Variants in STAG1 observed in about 807,000 individuals in gnomAD.
The protein encoded by STAG1 is cohesin subunit SA-1.
A neutral mutation model predicts 170.9 loss-of-function variants in STAG1; 26 were observed. That is an observed-to-expected ratio of 0.15 (90% confidence interval 0.11 to 0.21). STAG1 has a LOEUF of 0.21. Among genes scored for constraint, STAG1 ranks in the 10% least tolerant of loss-of-function variants. The probability of loss-of-function intolerance (pLI) is 1.00; values close to 1 mark genes in which losing one functional copy is unlikely to be tolerated. For synonymous variants in STAG1, 514 were observed against 497.7 expected, an observed-to-expected ratio of 1.03 and a Z score of -0.44; for missense variants, 964 against 1,509.5, an observed-to-expected ratio of 0.64 and a Z score of 5.99.
intron 1 of STAG1, among the ~76,000 whole-genome samples, chr3:136,727,142 T>C (rs1298264284): frequency 6.7e-6 from 1 of 148,896 alleles, no homozygotes; most frequent in Non-Finnish European, 1.5e-5. Context: ...TTATTTTGTT[T>C]ACATGATACT....
At chr3:136,377,069 G>A (rs1261412423) in intron 23 of STAG1, among the ~76,000 whole-genome samples, 4 of 149,726 alleles carry the variant, frequency 2.7e-5, no homozygotes, top group East Asian at 4.1e-4. Flanking sequence ...GAGCCACTGC[G>A]CCCGGCCATT....
At chr3:136,528,343 G>A (rs923913485) in intron 6 of STAG1, among the ~76,000 whole-genome samples, 7 of 152,120 alleles carry the variant, frequency 4.6e-5, no homozygotes, top group Non-Finnish European at 8.8e-5. Context: ...TGTGCTAGCA[G>A]TGAGTGAGGC....
chr3:136,668,477 C>T (rs908841400), intron 1 of STAG1, among the ~76,000 whole-genome samples: 2 of 147,478 alleles, frequency 1.4e-5, no homozygotes, highest in Non-Finnish European at 3.0e-5. Context: ...ATAAAGTAGG[C>T]CCAAGATGGA....
At chr3:136,568,215 G>C (rs574233373) in intron 5 of STAG1, among the ~76,000 whole-genome samples, 24 of 152,030 alleles carry the variant, frequency 1.6e-4, no homozygotes, top group African/African-American at 5.5e-4. Flanking sequence ...AAATTAACCT[G>C]TTAAGATTTA....
chr3:136,511,949 A>G (rs1170163120), intron 7 of STAG1, among the ~76,000 whole-genome samples: 2 of 151,980 alleles, frequency 1.3e-5, no homozygotes, highest in African/African-American at 4.8e-5. Context: ...CATGATAACC[A>G]TATCTCTAAG....
intron 20 of STAG1, among the ~76,000 whole-genome samples, chr3:136,419,459 T>C (rs1369477463): frequency 6.6e-6 from 1 of 152,138 alleles, no homozygotes; most frequent in Non-Finnish European, 1.5e-5. Flanking sequence ...CCCAGCCTTT[T>C]TTTTTTAAAG....
intron 12 of STAG1, among the ~76,000 whole-genome samples, chr3:136,471,919 C>G (rs2089637387): frequency 6.6e-6 from 1 of 152,138 alleles, no homozygotes; most frequent in Non-Finnish European, 1.5e-5. Context: ...CTCACTGCAG[C>G]TTTGACCTTC....
chr3:136,453,144 C>A (rs937338472), intron 13 of STAG1, among the ~76,000 whole-genome samples: 1 of 152,010 alleles, frequency 6.6e-6, no homozygotes, highest in African/African-American at 2.4e-5. Context: ...ACCTTATTAT[C>A]TGGAAACATT....
intron 4 of STAG1, among the ~76,000 whole-genome samples, chr3:136,581,991 A>T (rs1019793228): frequency 6.6e-5 from 10 of 152,212 alleles, no homozygotes; most frequent in African/African-American, 2.2e-4. Flanking sequence ...TAAATTTCTA[A>T]CAAGAGTATA....
chr3:136,675,599 A>G (rs768560120), intron 1 of STAG1, among the ~76,000 whole-genome samples: 11 of 152,168 alleles, frequency 7.2e-5, no homozygotes, highest in Non-Finnish European at 1.5e-4. Context: ...TATACAATAT[A>G]GTAGGTTTAC....
intron 1 of STAG1, among the ~76,000 whole-genome samples, chr3:136,745,567 C>T (rs563922608): frequency 9.5e-4 from 145 of 152,184 alleles, no homozygotes; most frequent in Non-Finnish European, 1.8e-3. Context: ...AGAATTTGCA[C>T]TCATATGACA....
At chr3:136,641,476 T>G (rs1940797681) in intron 1 of STAG1, among the ~76,000 whole-genome samples, 1 of 152,210 alleles carries the variant, frequency 6.6e-6, no homozygotes, top group Non-Finnish European at 1.5e-5. Context: ...AACAGGGGCC[T>G]CCTAATAGGA....
chr3:136,718,666 T>C, intron 1 of STAG1, among the ~76,000 whole-genome samples: 1 of 152,340 alleles, frequency 6.6e-6, no homozygotes, highest in East Asian at 1.9e-4. Flanking sequence ...GGCTCATGCC[T>C]GTAATCCCAG....
At chr3:136,496,007 G>A (rs1160255983) in intron 9 of STAG1, among the ~76,000 whole-genome samples, 1 of 151,148 alleles carries the variant, frequency 6.6e-6, no homozygotes, top group African/African-American at 2.4e-5. Context: ...AGCTGGGCGT[G>A]GTGGTGCATG....
At chr3:136,564,457 G>C (rs1389213738) in intron 5 of STAG1, among the ~76,000 whole-genome samples, 1 of 152,122 alleles carries the variant, frequency 6.6e-6, no homozygotes, top group Non-Finnish European at 1.5e-5. Flanking sequence ...TGGTAACTAA[G>C]TATAGTTTTA....
Position 136,551,258 on chromosome 3 carries a change from A to AGAGG in STAG1, c.395-9067_395-9064dup, listed in dbSNP as rs1170260697. 1.7e-4 allele frequency among the ~76,000 whole-genome samples: 21 copies of AGAGG among 122,408 alleles called. No individual in the cohort carries two copies. The East Asian group carries it at 3.2e-3, about 18-fold the overall frequency. 80.3% of individuals were successfully genotyped at this position (122,408 alleles called of 152,430 possible). A position where few individuals can be genotyped will look rare whatever the true frequency, so the allele number is the denominator to read the frequency against. On this transcript the variant is annotated intron_variant, in intron 5 of 33. Transcript: ENST00000383202. ...GAGAGAGAGAGAGAGAGAGAGAGAG[A>AGAGG]GAGGGAGAGCGAGAGAGCGTGCTCT...
chr3:136,555,834 CA>C (rs1360236319), intron 5 of STAG1, among the ~76,000 whole-genome samples: 6 of 139,736 alleles, frequency 4.3e-5, no homozygotes, highest in Admixed American at 7.2e-5. Flanking sequence ...GAAATAATTC[CA>C]AAAAAAAAAC....
chr3:136,498,233 T>TATATATATATATATATATATATATACAC lies in STAG1; in HGVS notation c.902+1989_902+1990insGTGTATATATATATATATATATATATAT. ...AATTATATATATATATATATATATA[T>TATATATATATATATATATATATATACAC]ACACATACATATACATACACACACA... On this transcript the variant is annotated intron_variant, in intron 9 of 33. Transcript: ENST00000383202. 1.7e-3 allele frequency among the ~76,000 whole-genome samples: 98 copies of TATATATATATATATATATATATATACAC among 57,402 alleles called. 5 individuals are homozygous for TATATATATATATATATATATATATACAC. The highest frequency in any genetic ancestry group is 2.3e-3 in the South Asian group (4 of 1,704). The allele number at this position is 57,402 out of a possible 152,430, so 37.7% of individuals were successfully genotyped here.
At chr3:136,409,631 C>T (rs762240220) in intron 21 of STAG1, among the ~76,000 whole-genome samples, 5 of 152,056 alleles carry the variant, frequency 3.3e-5, no homozygotes, top group Non-Finnish European at 4.4e-5. Flanking sequence ...GTCACTGTGC[C>T]CAGCCAAAAT....
Sources: gnomAD v4.1 joint callset for allele counts (sites outside exome capture counted in the v4.1 genomes callset) on GRCh38, gnomAD v4.1.1 for gene constraint, MANE v1.5 for transcripts, NCBI Gene and HGNC (gene_info 2026-07-23, HGNC 2026-07-21) for gene names.